Variants in CNTN5 observed in about 807,000 individuals in gnomAD.
CNTN5 encodes contactin 5, also known as contactin-5.
A neutral mutation model predicts 129.1 loss-of-function variants in CNTN5; 77 were observed. The ratio of observed to expected loss-of-function variants is 0.60; its 90% CI spans 0.50 to 0.72. The LOEUF (loss-of-function observed/expected upper bound fraction) is 0.72. Ranked by LOEUF, CNTN5 falls within the 30% of genes least tolerant of loss-of-function variation. CNTN5 has a pLI of 0.00. For synonymous variants in CNTN5, 509 were observed against 465.6 expected (o/e 1.09, Z -1.20); for missense variants, 1,478 against 1,328.8 (o/e 1.11, Z -1.75).
rs181420561 is a variant in CNTN5, at chr11:100,271,072, A to C, written c.2165-20A>C. 5.5e-4 allele frequency: 873 copies of C among 1,576,930 alleles called. 2 individuals carry two copies. The African/African-American group carries it at 9.2e-3, about 17-fold the overall frequency. On this transcript the variant is annotated intron_variant, in intron 17 of 24. Coordinates refer to ENST00000524871, the MANE Select transcript of CNTN5 (RefSeq NM_014361.4). Reference sequence around the variant, plus strand: ...TTTTCTAGTCCTCATAATGACATGAAATTTCCTTCCTTTCTATAGTCCCAG... The same window carrying C: ...TTTTCTAGTCCTCATAATGACATGACATTTCCTTCCTTTCTATAGTCCCAG...
chr11:99,874,248 A>T (rs1948578035), intron 6 of CNTN5, among the ~76,000 whole-genome samples: 1 of 152,222 alleles, frequency 6.6e-6, no homozygotes, highest in African/African-American at 2.4e-5. Context: ...ATTAATCTGC[A>T]GGGTCTTCCT....
At chr11:99,543,554 A>G (rs777870338) in intron 2 of CNTN5, among the ~76,000 whole-genome samples, 1 of 152,188 alleles carries the variant, frequency 6.6e-6, no homozygotes, top group Non-Finnish European at 1.5e-5. Flanking sequence ...GTCAATCACA[A>G]TGGTCTAAAA....
intron 23 of CNTN5, among the ~76,000 whole-genome samples, chr11:100,341,525 A>AG (rs752086774): frequency 5.8e-4 from 88 of 152,316 alleles, no homozygotes; most frequent in Admixed American, 1.4e-3. Flanking sequence ...TTCTTCCAGG[A>AG]GACTAACTTT....
intron 1 of CNTN5, among the ~76,000 whole-genome samples, chr11:99,164,369 G>A (rs1013434050): frequency 1.3e-5 from 2 of 149,260 alleles, no homozygotes; most frequent in African/African-American, 4.9e-5. Flanking sequence ...ATGGTCAGGT[G>A]AGAAGTATCT....
intron 13 of CNTN5, among the ~76,000 whole-genome samples, chr11:100,180,651 T>C (rs1337438411): frequency 6.6e-6 from 1 of 152,010 alleles, no homozygotes; most frequent in Non-Finnish European, 1.5e-5. Context: ...AATTAAGAAC[T>C]CTTGCTCTGT....
chr11:99,211,544 C>CT (rs76506556), intron 1 of CNTN5, among the ~76,000 whole-genome samples: 21,099 of 150,576 alleles, frequency 0.14, 1,760 homozygotes, highest in East Asian at 0.33. Context: ...TTTTCTCCTC[C>CT]TTTTTTTTTC....
intron 10 of CNTN5, among the ~76,000 whole-genome samples, chr11:100,069,475 A>G (rs918504403): frequency 6.6e-6 from 1 of 152,086 alleles, no homozygotes; most frequent in Admixed American, 6.6e-5. Flanking sequence ...TGTTTAATAC[A>G]TCTTTTTTCA....
intron 2 of CNTN5, among the ~76,000 whole-genome samples, chr11:99,372,716 T>C (rs373894864): frequency 6.6e-5 from 10 of 152,242 alleles, no homozygotes; most frequent in East Asian, 5.8e-4. Flanking sequence ...TGATTTAAAA[T>C]GTCTAATTCA....
At chr11:99,405,190 CTTGAGGTAGGCTTCT>C (rs1179120768) in intron 2 of CNTN5, among the ~76,000 whole-genome samples, 1 of 151,986 alleles carries the variant, frequency 6.6e-6, no homozygotes, top group African/African-American at 2.4e-5. Flanking sequence ...TATTAAATTT[CTTGAGGTAGGCTTCT>C]TTGAGTTAAA....
intron 16 of CNTN5, among the ~76,000 whole-genome samples, chr11:100,238,251 G>T (rs1160269530): frequency 2.0e-5 from 3 of 151,946 alleles, no homozygotes; most frequent in Admixed American, 1.3e-4. Flanking sequence ...ATTAAAAAAT[G>T]ACTCAAAATT....
At chr11:100,205,509 A>G (rs1228045876) in intron 15 of CNTN5, among the ~76,000 whole-genome samples, 2 of 152,066 alleles carry the variant, frequency 1.3e-5, no homozygotes, top group East Asian at 1.9e-4. Context: ...GACCTGGAAA[A>G]GGTCACTTTA....
intron 2 of CNTN5, among the ~76,000 whole-genome samples, chr11:99,364,774 G>C (rs1234083361): frequency 6.6e-6 from 1 of 152,082 alleles, no homozygotes; most frequent in Non-Finnish European, 1.5e-5. Context: ...AAGGAAGATT[G>C]GTTGAGCTTC....
At chr11:99,732,906 A>G (rs1403041745) in intron 3 of CNTN5, among the ~76,000 whole-genome samples, 1 of 152,194 alleles carries the variant, frequency 6.6e-6, no homozygotes, top group Non-Finnish European at 1.5e-5. Context: ...AGATGTATAG[A>G]AATAAAAGAT....
chr11:99,616,981 C>T (rs971695147), intron 3 of CNTN5, among the ~76,000 whole-genome samples: 4 of 152,148 alleles, frequency 2.6e-5, no homozygotes, highest in East Asian at 1.9e-4. Context: ...CGTGGTGGCA[C>T]GTGCCTGTAA....
At chr11:100,083,543 C>T (rs774076117) in intron 13 of CNTN5, among the ~76,000 whole-genome samples, 4 of 152,056 alleles carry the variant, frequency 2.6e-5, no homozygotes, top group Non-Finnish European at 5.9e-5. Flanking sequence ...ACCGTACTAT[C>T]CATATTTCTA....
chr11:100,135,988 C>T (rs1946510597), intron 13 of CNTN5, among the ~76,000 whole-genome samples: 1 of 152,080 alleles, frequency 6.6e-6, no homozygotes. Flanking sequence ...TATTATTTGT[C>T]ACCATTATCT....
chr11:100,007,267 C>G (rs1940254099), intron 9 of CNTN5, among the ~76,000 whole-genome samples: 1 of 151,984 alleles, frequency 6.6e-6, no homozygotes, highest in African/African-American at 2.4e-5. Flanking sequence ...GCTTCAGATT[C>G]AACGTCACCA....
At chr11:99,821,510 T>G (rs1946800439) in intron 4 of CNTN5, among the ~76,000 whole-genome samples, 1 of 152,142 alleles carries the variant, frequency 6.6e-6, no homozygotes, top group African/African-American at 2.4e-5. Flanking sequence ...TCTCTGACAC[T>G]TTGATTAGAC....
chr11:99,295,648 G>A (rs1005685009), intron 1 of CNTN5, among the ~76,000 whole-genome samples: 17 of 151,198 alleles, frequency 1.1e-4, no homozygotes, highest in African/African-American at 3.9e-4. Context: ...AGGCCGAGGC[G>A]GGTGGATCAT....
Sources: gnomAD v4.1 joint callset for allele counts (sites outside exome capture counted in the v4.1 genomes callset) on GRCh38, gnomAD v4.1.1 for gene constraint, MANE v1.5 for transcripts, NCBI Gene and HGNC (gene_info 2026-07-23, HGNC 2026-07-21) for gene names.